The following C8B variants were observed in gnomAD, a reference collection of about 807,000 sequenced individuals.
The protein encoded by C8B is complement component C8 beta chain.
C8B carries 67 observed loss-of-function variants against 64.6 expected under a neutral mutation model. That is an observed-to-expected ratio of 1.04 (90% CI 0.85 to 1.27). The LOEUF (loss-of-function observed/expected upper bound fraction) is 1.27, where lower values mean the gene tolerates loss of function less well. Ranked by LOEUF, C8B falls within the 50% of genes most tolerant of loss-of-function variation. The pLI is 0.00. For missense variants in C8B, 790 were observed against 725.2 expected (o/e 1.09, Z -1.03); for synonymous variants, 284 against 257.7 (o/e 1.10, Z -0.98).
rs541720920 is a variant in C8B at position 56,959,695 on chromosome 1, G to A, written c.249+325C>T. ...GGTAGACTGTGAATGGTTTCCAAGT[G>A]GGCAAAGACAACTCAGACATACACT... On this transcript the variant is annotated intron_variant, in intron 2 of 11. Transcript: ENST00000371237. 1,613 of 1,306,246 alleles carry A rather than the reference G, an allele frequency of 1.2e-3. 1 individual carries two copies. The highest frequency in any genetic ancestry group is 1.4e-3 in the Non-Finnish European group (1,323 of 952,342). 80.9% of individuals were successfully genotyped at this position (1,306,246 alleles called of 1,614,324 possible). A position where few individuals can be genotyped will look rare whatever the true frequency, so the allele number is the denominator to read the frequency against.
chr1:56,934,117 T>G (rs1644741666), intron 9 of C8B, among the ~76,000 whole-genome samples: 2 of 151,954 alleles, frequency 1.3e-5, no homozygotes, highest in South Asian at 2.1e-4. Flanking sequence ...TGTTTTTTAT[T>G]GCTCCTTTAT....
chr1:56,965,163 G>A (rs1021922822), intron 1 of C8B, among the ~76,000 whole-genome samples: 10 of 152,138 alleles, frequency 6.6e-5, no homozygotes, highest in East Asian at 1.9e-4. Context: ...CATGGAGGCC[G>A]GGGACACATG....
At chr1:56,955,929 T>G (rs966134472) in intron 3 of C8B, among the ~76,000 whole-genome samples, 1 of 152,198 alleles carries the variant, frequency 6.6e-6, no homozygotes, top group Non-Finnish European at 1.5e-5. Flanking sequence ...TTGCTTGGAT[T>G]CTCTGAATGA....
intron 4 of C8B, among the ~76,000 whole-genome samples, chr1:56,954,287 G>C (rs1645067528): frequency 6.6e-6 from 1 of 152,122 alleles, no homozygotes; most frequent in Non-Finnish European, 1.5e-5. Context: ...GGAGATAGGG[G>C]CAGACCTGGA....
chr1:56,939,261 C>T (rs1203534827), intron 9 of C8B, among the ~76,000 whole-genome samples: 3 of 152,222 alleles, frequency 2.0e-5, no homozygotes, highest in African/African-American at 2.4e-5. Context: ...ACCATGGCAT[C>T]GGCCAAGCCC....
At position 56,945,935 on chromosome 1, in the gene C8B, C is replaced by T. The variant is rs766212200; in HGVS notation, c.991G>A (p.Gly331Arg). The T allele has an allele frequency of 8.7e-6, 14 of 1,613,978 alleles. No individual in the cohort carries two copies. The highest frequency in any genetic ancestry group is 2.2e-5 in the South Asian group (2 of 91,068). ...TCACGGAAGAGATCTCTGTATTCCC[C>T]GTAGCTGTACTCCAGGGGCAGCCGC... ...VKRLPLEYSY[G>R]EYRDLFRDFG... The change falls in exon 7 of 12, where the codon GGG becomes AGG. Residue 331 changes from glycine (G) to arginine (R), a missense_variant. By Grantham distance (125) the Gly-to-Arg change is moderately radical. Transcript: ENST00000371237.
intron 1 of C8B, among the ~76,000 whole-genome samples, chr1:56,964,297 T>C (rs955628098): frequency 1.3e-5 from 2 of 152,206 alleles, no homozygotes; most frequent in Non-Finnish European, 2.9e-5. Context: ...AACTCTTCAA[T>C]GGCTTCCCAA....
At chr1:56,939,154 A>G (rs1570377848) in intron 9 of C8B, among the ~76,000 whole-genome samples, 1 of 152,198 alleles carries the variant, frequency 6.6e-6, no homozygotes, top group African/African-American at 2.4e-5. Flanking sequence ...AAAAAGATTC[A>G]GGTAAGATAT....
chr1:56,956,822 T>A lies in C8B; in HGVS notation c.338A>T (p.Asn113Ile). ...TCGCACTTGACTTCCGCATGGTCTG[T>A]TGGTAACACAGTCTTCGACTTCCTT... ...SDKEVEDCVT[N>I]RPCGSQVRCE... Residue 113 changes from asparagine to isoleucine, a missense_variant, in exon 3 of 12, where the codon AAC (asparagine) becomes ATC (isoleucine). Transcript: ENST00000371237. 6.2e-7 allele frequency: 1 copy of A among 1,614,116 alleles called. No homozygotes were observed. The highest frequency in any genetic ancestry group is 1.1e-5 in the South Asian group (1 of 91,076).
chr1:56,962,607 G>A (rs764894059), intron 1 of C8B, among the ~76,000 whole-genome samples: 2 of 152,194 alleles, frequency 1.3e-5, no homozygotes, highest in Non-Finnish European at 2.9e-5. Context: ...AGAAGTACAA[G>A]AAATAATATA....
chr1:56,957,113 G>A (rs1258472836), intron 2 of C8B, among the ~76,000 whole-genome samples: 1 of 152,058 alleles, frequency 6.6e-6, no homozygotes, highest in Admixed American at 6.5e-5. Flanking sequence ...TTTGCTGGAT[G>A]GTTTCTTCAA....
At chr1:56,938,194 T>C (rs1352875170) in intron 9 of C8B, among the ~76,000 whole-genome samples, 1 of 152,196 alleles carries the variant, frequency 6.6e-6, no homozygotes, top group Non-Finnish European at 1.5e-5. Flanking sequence ...CTGTACTCTC[T>C]GTCTATCGTA....
In C8B at chr1:56,929,527, C is replaced by T. The variant is rs752357132; in HGVS notation, c.1653G>A (p.Trp551Ter). 3.7e-6 allele frequency: 6 copies of T among 1,613,774 alleles called. No individual in the cohort carries two copies. The highest frequency in any genetic ancestry group is 5.1e-6 in the Non-Finnish European group (6 of 1,179,864). The change falls in exon 12 of 12, where the codon TGG becomes TGA. Residue 551 changes from tryptophan (W) to a stop codon, truncating the protein, a stop_gained. Transcript: ENST00000371237. LOFTEE classifies it low-confidence loss of function (END_TRUNC). ...NTPIDGKWNCWSNWSSCSGRR... is the reference protein window; with the variant it reads ...NTPIDGKWNC The stretch of plus-strand genomic sequence containing the variant: ...TTCCAGAGCATGAAGACCAATTTGA[C>T]CAGCAATTCCACTTCCCATCAATGG...
chr1:56,931,881 G>C lies in C8B; in HGVS notation c.1553-3C>G. On this transcript the variant is annotated splice_region_variant and splice_polypyrimidine_tract_variant and intron_variant, in intron 10 of 11. Transcript: ENST00000371237. Reference sequence around the variant, plus strand: ...ACAGATGCAGTCACAGCGTGATCCTGAGAAGACAAGGCAGAGAAAGTGTGA... The same window carrying C: ...ACAGATGCAGTCACAGCGTGATCCTCAGAAGACAAGGCAGAGAAAGTGTGA... 6.2e-7 allele frequency: 1 copy of C among 1,610,588 alleles called. No homozygotes were observed. The highest frequency in any genetic ancestry group is 8.5e-7 in the Non-Finnish European group (1 of 1,177,750).
At chr1:56,942,564 G>T (rs924471796) in intron 8 of C8B, among the ~76,000 whole-genome samples, 1 of 152,012 alleles carries the variant, frequency 6.6e-6, no homozygotes, top group African/African-American at 2.4e-5. Context: ...TATTAGCCAG[G>T]CGTGGTGGCA....
At chr1:56,932,044 C>T in intron 10 of C8B, among the ~76,000 whole-genome samples, 166 bp from the exon 11 acceptor site, 1 of 152,166 alleles carries the variant, frequency 6.6e-6, no homozygotes, top group East Asian at 1.9e-4. Flanking sequence ...TACTCCTTTC[C>T]TGAGGGCCTT....
intron 1 of C8B, 148 bp downstream of exon 1, chr1:56,965,709 G>A: frequency 5.0e-6 from 4 of 805,666 alleles, no homozygotes; most frequent in Non-Finnish European, 8.5e-6. Context: ...GAAAAGAGTT[G>A]TTGATAGTAT....
At position 56,936,954 on chromosome 1, in the gene C8B, A is replaced by G. The variant is rs1459010238; in HGVS notation, c.1399-3466T>C. Among the ~76,000 whole-genome samples, 4 of 152,106 alleles carry G rather than the reference A, an allele frequency of 2.6e-5. No homozygotes were observed. In the South Asian group the frequency reaches 8.3e-4, roughly 32 times the overall value. On this transcript the variant is annotated intron_variant, in intron 9 of 11. Coordinates refer to ENST00000371237, the MANE Select transcript of C8B (RefSeq NM_000066.4). ...GGTGAGCTTTGTCAATCCAAATCCA[A>G]CATTGTCTTTCCAGGCATATGCTGC...
chr1:56,948,619 G>A (rs1644977508), intron 6 of C8B, among the ~76,000 whole-genome samples: 1 of 152,138 alleles, frequency 6.6e-6, no homozygotes, highest in Admixed American at 6.6e-5. Context: ...AGTCGAAGAG[G>A]GCAGGCACCC....
Sources: allele counts gnomAD v4.1 joint callset (sites outside exome capture counted in the v4.1 genomes callset), GRCh38; gene constraint gnomAD v4.1.1; transcripts MANE v1.5; gene names NCBI Gene and HGNC (gene_info 2026-07-23, HGNC 2026-07-21).